The following KCNQ1 variants were observed in gnomAD, a reference collection of about 807,000 sequenced individuals.
KCNQ1 encodes the protein potassium voltage-gated channel subfamily KQT member 1.
Under a neutral mutation model 72.4 loss-of-function variants are expected in KCNQ1, and 49 were observed. The observed-to-expected ratio is 0.68, with a 90% CI of 0.54 to 0.86. The LOEUF (loss-of-function observed/expected upper bound fraction) is 0.86, where lower values mean the gene tolerates loss of function less well. Ranked by LOEUF, KCNQ1 falls within the 40% of genes least tolerant of loss-of-function variation. The pLI, the probability that KCNQ1 is intolerant of heterozygous loss-of-function variation, is 0.00. For missense variants in KCNQ1, 790 were observed against 945.1 expected, an observed-to-expected ratio of 0.84 and a Z score of 2.15; for synonymous variants, 450 against 412.6, an observed-to-expected ratio of 1.09 and a Z score of -1.10.
chr11:2,501,718 CAAAAAAAAAAAAAAAA>C (rs55865890), intron 1 of KCNQ1, among the ~76,000 whole-genome samples: 3 of 68,888 alleles, frequency 4.4e-5, no homozygotes, highest in Admixed American at 1.7e-4. Flanking sequence ...AAAGATACAT[CAAAAAAAAAAAAAAAA>C]AAAAAAAAAA....
At position 2,547,382 on chromosome 11, in the gene KCNQ1, C is replaced by A. The variant is rs1293907287; in HGVS notation, c.477+19364C>A. On this transcript the variant is annotated intron_variant, in intron 2 of 15. Transcript: ENST00000155840. This position sits in a 1 kb window ranked among gnomAD's most constrained non-coding sequence, Gnocchi z 4.2. ...AGTAGCTGGGATTATAGGTGGGCGC[C>A]ACCACACCTGGCTAATTTTTTTTGT... 1.3e-5 allele frequency among the ~76,000 whole-genome samples: 2 copies of A among 152,086 alleles called. No individual in the cohort carries two copies. The highest frequency in any genetic ancestry group is 1.3e-4 in the Admixed American group (2 of 15,276).
Position 2,816,428 on chromosome 11 carries a change from C to T in KCNQ1, c.1795-31339C>T, listed in dbSNP as rs540770740. On this transcript the variant is annotated intron_variant, in intron 15 of 15. Coordinates refer to ENST00000155840, the MANE Select transcript of KCNQ1 (RefSeq NM_000218.3). This position sits in a 1 kb window ranked among gnomAD's most constrained non-coding sequence, Gnocchi z 6.8. ...CACACTCACCCTGTGGTCCAGTGATCTCCTTCTGAGAATCCGCCCTGGAGC... is the reference window on the plus strand; with the variant it reads ...CACACTCACCCTGTGGTCCAGTGATTTCCTTCTGAGAATCCGCCCTGGAGC... Among the ~76,000 whole-genome samples the T allele has an allele frequency of 1.4e-3, 208 of 152,272 alleles. No homozygotes were observed. The highest frequency in any genetic ancestry group is 4.8e-3 in the African/African-American group (200 of 41,548).
chr11:2,445,609 T>C (rs1846026402), intron 1 of KCNQ1, 125 bp downstream of exon 1: 4 of 1,144,500 alleles, frequency 3.5e-6, no homozygotes, highest in Non-Finnish European at 5.0e-6. Flanking sequence ...GGGAAGGAAG[T>C]GGGGAAACGC....
At chr11:2,513,716 T>C (rs539207203) in intron 1 of KCNQ1, among the ~76,000 whole-genome samples, 1 of 152,300 alleles carries the variant, frequency 6.6e-6, no homozygotes, top group East Asian at 1.9e-4. Context: ...CTGAGTTCCA[T>C]CCATCCCTGC....
intron 15 of KCNQ1, chr11:2,840,067 G>A (rs1251409468): frequency 6.6e-6 from 1 of 152,192 alleles, no homozygotes; most frequent in Non-Finnish European, 1.5e-5. Context: ...TATAACTTTT[G>A]ACTCCCCAGA....
At chr11:2,791,619 GGCACAGGCCCA>G (rs1485123680) in intron 15 of KCNQ1, among the ~76,000 whole-genome samples, 4 of 152,118 alleles carry the variant, frequency 2.6e-5, no homozygotes, top group African/African-American at 9.7e-5. Flanking sequence ...GCGAACCGGC[GGCACAGGCCCA>G]GCACGTCCCG....
chr11:2,761,769 C>T (rs1590073055), intron 11 of KCNQ1, among the ~76,000 whole-genome samples: 1 of 152,368 alleles, frequency 6.6e-6, no homozygotes, highest in East Asian at 1.9e-4. Context: ...GGCTGACCCA[C>T]AGCATGGCCT....
chr11:2,642,495 T>C lies in KCNQ1; in HGVS notation c.1394-19466T>C, dbSNP rs1849594950. The C allele has an allele frequency of 5.0e-6, 2 of 398,086 alleles. 1 individual carries two copies. Among genetic ancestry groups the C allele is most frequent in the South Asian group, 2.5e-4 (2 of 7,854 alleles). 24.7% of individuals were successfully genotyped at this position (398,086 alleles called of 1,614,324 possible). On this transcript the variant is annotated intron_variant, in intron 10 of 15. Transcript: ENST00000155840. This position sits in a 1 kb window ranked among gnomAD's most constrained non-coding sequence, Gnocchi z 4.3. ...TCAGACTGAAGAGTTTTGATTTTTG[T>C]ATTTCATGGTATGAGTTGTAATATC... is the stretch of plus-strand genomic sequence containing the variant.
chr11:2,527,861 A>G, intron 1 of KCNQ1, 67 bp from the exon 2 acceptor site: 1 of 1,436,874 alleles, frequency 7.0e-7, no homozygotes, highest in East Asian at 2.3e-5. Flanking sequence ...GGGCCCCTCC[A>G]CTCCCCAGGT....
At position 2,621,145 on chromosome 11, in the gene KCNQ1, T is replaced by A; in HGVS notation, c.1393+32291T>A. 1 of 396,744 alleles carries A rather than the reference T, an allele frequency of 2.5e-6. No individual in the cohort carries two copies. The highest frequency in any genetic ancestry group is 4.4e-6 in the Non-Finnish European group (1 of 225,472). 24.6% of individuals were successfully genotyped at this position (396,744 alleles called of 1,614,324 possible). ...GGTGACCGCCACCATACCTGGCTAA[T>A]TTTTGTGTTTTTAGTAGAGACGGGG... On this transcript the variant is annotated intron_variant, in intron 10 of 15. Transcript: ENST00000155840. This position sits in a 1 kb window ranked among gnomAD's most constrained non-coding sequence, Gnocchi z 5.7.
intron 15 of KCNQ1, 150 bp from the exon 16 acceptor site, chr11:2,847,617 G>T (rs1848357326): frequency 2.8e-6 from 2 of 706,354 alleles, no homozygotes; most frequent in East Asian, 2.7e-5. Context: ...CAGACATAGG[G>T]TGCACACGTG....
intron 15 of KCNQ1, among the ~76,000 whole-genome samples, chr11:2,807,499 A>G (rs1014844932): frequency 1.8e-4 from 28 of 152,190 alleles, no homozygotes; most frequent in African/African-American, 6.5e-4. Flanking sequence ...TAACTGAACA[A>G]ACAGTCCTGC....
Position 2,797,228 on chromosome 11 carries a change from C to T in KCNQ1, c.1794+19191C>T, listed in dbSNP as rs556580325. 2.9e-4 allele frequency among the ~76,000 whole-genome samples: 44 copies of T among 152,260 alleles called. No homozygotes were observed. The South Asian group carries it at 6.6e-3, about 23-fold the overall frequency. The stretch of plus-strand genomic sequence containing the variant: ...GCTGGGGGCTGGGCCACGGAGAGGC[C>T]GGGCAGCGCTGGCCCCAGCCCCCAG... On this transcript the variant is annotated intron_variant, in intron 15 of 15. Transcript: ENST00000155840.
At chr11:2,686,185 C>A in intron 11 of KCNQ1, 2 of 398,888 alleles carry the variant, frequency 5.0e-6, no homozygotes, top group South Asian at 1.3e-4. Context: ...AATGCCTACT[C>A]ATCCTGCCCA....
At chr11:2,514,999 C>T (rs1176168888) in intron 1 of KCNQ1, among the ~76,000 whole-genome samples, 1 of 152,204 alleles carries the variant, frequency 6.6e-6, no homozygotes, top group African/African-American at 2.4e-5. Flanking sequence ...GCTCTGGGAG[C>T]TCTGCCTGCT....
Position 2,720,025 on chromosome 11 carries a change from C to T in KCNQ1, c.1515-48819C>T, listed in dbSNP as rs974540993. Among the ~76,000 whole-genome samples, 2 of 152,244 alleles carry T rather than the reference C, an allele frequency of 1.3e-5. No homozygotes were observed. The highest frequency in any genetic ancestry group is 2.9e-5 in the Non-Finnish European group (2 of 68,046). On this transcript the variant is annotated intron_variant, in intron 11 of 15. Coordinates refer to ENST00000155840, the MANE Select transcript of KCNQ1 (RefSeq NM_000218.3). This position sits in a 1 kb window ranked among gnomAD's most constrained non-coding sequence, Gnocchi z 5.1. ...CGCTTCACCATACATGCAAATGTAG[C>T]AAACTGCAAAATGTCCCAAAACAAG...
intron 11 of KCNQ1, among the ~76,000 whole-genome samples, chr11:2,761,490 C>T (rs1262228575): frequency 6.6e-6 from 1 of 152,136 alleles, no homozygotes; most frequent in Non-Finnish European, 1.5e-5. Flanking sequence ...GCAGAAACAC[C>T]GAAATGTCTG....
rs142288322 is a variant in KCNQ1 at position 2,579,266 on chromosome 11, A to G, written c.922-4169A>G. On this transcript the variant is annotated intron_variant, in intron 6 of 15. Coordinates refer to ENST00000155840, the MANE Select transcript of KCNQ1 (RefSeq NM_000218.3). This position sits in a 1 kb window ranked among gnomAD's most constrained non-coding sequence, Gnocchi z 6.0. ...TCTCAGGGAGGAACATGGGGGGACT[A>G]GAAGGCTCCCCATGCCTCCCGCCCC... Among the ~76,000 whole-genome samples, 297 of 152,336 alleles carry G rather than the reference A, an allele frequency of 1.9e-3. 1 individual carries two copies. Among genetic ancestry groups the G allele is most frequent in the African/African-American group, 6.9e-3 (286 of 41,592 alleles).
intron 10 of KCNQ1, among the ~76,000 whole-genome samples, chr11:2,596,841 G>A (rs1430696676): frequency 6.6e-6 from 1 of 151,700 alleles, no homozygotes; most frequent in Non-Finnish European, 1.5e-5. Flanking sequence ...AGCAAGTTAT[G>A]TCAATTATAT....
Sources: gnomAD v4.1 joint callset for allele counts (sites outside exome capture counted in the v4.1 genomes callset) on GRCh38, gnomAD v4.1.1 for gene constraint, Gnocchi (gnomAD v3.1) non-coding constraint, MANE v1.5 for transcripts, NCBI Gene and HGNC (gene_info 2026-07-23, HGNC 2026-07-21) for gene names.